Variants in WWC1 observed in about 807,000 individuals in gnomAD.
WWC1 encodes the protein protein KIBRA.
In WWC1, 55 loss-of-function variants were observed where a neutral mutation model predicts 138.4. The ratio of observed to expected loss-of-function variants is 0.40; its 90% CI spans 0.32 to 0.50. The LOEUF is 0.50. Among genes scored for constraint, WWC1 ranks in the 20% least tolerant of loss-of-function variants. WWC1 has a pLI of 0.72. For missense variants in WWC1, 1,226 were observed against 1,420.4 expected (o/e 0.86, Z 2.20); for synonymous variants, 524 against 564.9 (o/e 0.93, Z 1.03).
chr5:168,359,951 G>C (rs1775760383), intron 1 of WWC1, among the ~76,000 whole-genome samples: 1 of 152,214 alleles, frequency 6.6e-6, no homozygotes, highest in Non-Finnish European at 1.5e-5. Flanking sequence ...GCCAGCTTAA[G>C]AGTCCTGCTT....
intron 1 of WWC1, among the ~76,000 whole-genome samples, chr5:168,329,350 G>C (rs987936472): frequency 6.6e-6 from 1 of 152,154 alleles, no homozygotes; most frequent in Non-Finnish European, 1.5e-5. Context: ...CTTTTCCAAC[G>C]TGAGCTTATT....
chr5:168,452,335 A>G (rs573401358), intron 17 of WWC1, among the ~76,000 whole-genome samples: 1 of 152,284 alleles, frequency 6.6e-6, no homozygotes, highest in Middle Eastern at 3.4e-3. Context: ...TCAGAATGTG[A>G]CTGTATTTGG....
intron 19 of WWC1, among the ~76,000 whole-genome samples, chr5:168,456,483 A>T (rs1756335324): frequency 6.6e-6 from 1 of 151,858 alleles, no homozygotes; most frequent in Non-Finnish European, 1.5e-5. Context: ...AAATGCAAAA[A>T]ATTAGTGCAT....
At chr5:168,422,223 T>C (rs1781145815) in intron 10 of WWC1, 126 bp downstream of exon 10, 7 of 904,836 alleles carry the variant, frequency 7.7e-6, no homozygotes, top group Non-Finnish European at 1.2e-5. Context: ...TTTAGAAGCA[T>C]AGCAAATGGA....
intron 1 of WWC1, among the ~76,000 whole-genome samples, chr5:168,328,770 C>G (rs568582696): frequency 6.6e-6 from 1 of 152,190 alleles, no homozygotes; most frequent in African/African-American, 2.4e-5. Context: ...CTCCTGACCT[C>G]GTGATCTGCC....
chr5:168,359,033 GGTGTGTGTGTGTGTGTGTGT>G (rs58992917), intron 1 of WWC1, among the ~76,000 whole-genome samples: 2 of 148,204 alleles, frequency 1.3e-5, no homozygotes, highest in Non-Finnish European at 3.0e-5. Context: ...GTGGTGGTGG[GGTGTGTGTGTGTGTGTGTGT>G]GTGTGTGTGT....
chr5:168,455,442 G>C lies in WWC1; in HGVS notation c.2745G>C (p.Gln915His). The C allele has an allele frequency of 6.2e-7, 1 of 1,612,480 alleles. No homozygotes were observed. Residue 915 changes from glutamine (Q) to histidine (H), a missense_variant, in exon 19 of 23, where the codon CAG becomes CAC. Physicochemically the swap from Gln to His is conservative, Grantham distance 24. Coordinates refer to ENST00000265293, the MANE Select transcript of WWC1 (RefSeq NM_015238.3). ...ACCGGAGAGTGGGCACCCCGTCCCA[G>C]GGGCCATTTCTTCGAGGGAGCACCA... ...PKDRRVGTPS[Q>H]GPFLRGSTII... is the part of the protein sequence containing the mutation.
chr5:168,411,883 G>A lies in WWC1; in HGVS notation c.941+1888G>A, dbSNP rs1284905632. On this transcript the variant is annotated intron_variant, in intron 8 of 22. Coordinates refer to ENST00000265293, the MANE Select transcript of WWC1 (RefSeq NM_015238.3). Reference sequence around the variant, plus strand: ...GGAAAAGTCAGCTGTATGGGAACCAGGTGACTTGAAAGTACGAAAGGAGTG... The same window carrying A: ...GGAAAAGTCAGCTGTATGGGAACCAAGTGACTTGAAAGTACGAAAGGAGTG... 12 of 734,578 alleles carry A rather than the reference G, an allele frequency of 1.6e-5. No individual in the cohort carries two copies. In the African/African-American group the frequency reaches 2.3e-4, roughly 14 times the overall value. The allele number at this position is 734,578 out of a possible 1,614,324, so 45.5% of individuals were successfully genotyped here. A position where few individuals can be genotyped will look rare whatever the true frequency, so the allele number is the denominator to read the frequency against.
intron 1 of WWC1, among the ~76,000 whole-genome samples, chr5:168,354,997 A>G (rs938562695): frequency 6.6e-6 from 1 of 152,154 alleles, no homozygotes; most frequent in Non-Finnish European, 1.5e-5. Context: ...GCCTTCTGCT[A>G]TGTTCATTCA....
intron 10 of WWC1, 97 bp downstream of exon 10, chr5:168,422,194 C>G (rs560888576): frequency 8.0e-7 from 1 of 1,252,370 alleles, no homozygotes; most frequent in African/African-American, 1.5e-5. Context: ...ACTTGTCCTC[C>G]GTGGCTTGAG....
chr5:168,405,956 G>C (rs937090240), intron 5 of WWC1, among the ~76,000 whole-genome samples: 1 of 151,986 alleles, frequency 6.6e-6, no homozygotes, highest in Non-Finnish European at 1.5e-5. Flanking sequence ...TGAACTCCTG[G>C]CCTCAAGTGA....
chr5:168,395,516 C>T (rs111479499), intron 3 of WWC1, among the ~76,000 whole-genome samples: 2 of 152,268 alleles, frequency 1.3e-5, no homozygotes, highest in Non-Finnish European at 2.9e-5. Flanking sequence ...TTTATTATAA[C>T]ATTATAATAT....
chr5:168,352,463 C>T (rs1361688263), intron 1 of WWC1, among the ~76,000 whole-genome samples: 1 of 152,052 alleles, frequency 6.6e-6, no homozygotes, highest in Admixed American at 6.6e-5. Flanking sequence ...AGCTTAGAAC[C>T]CTGAACCTAT....
At chr5:168,452,693 G>A (rs1561787315) in intron 17 of WWC1, among the ~76,000 whole-genome samples, 1 of 152,180 alleles carries the variant, frequency 6.6e-6, no homozygotes, top group African/African-American at 2.4e-5. Flanking sequence ...TGTACAAGAA[G>A]CTTTATTCAT....
At chr5:168,451,248 C>CT (rs1158475617) in intron 17 of WWC1, among the ~76,000 whole-genome samples, 4 of 151,742 alleles carry the variant, frequency 2.6e-5, no homozygotes, top group Non-Finnish European at 4.4e-5. Flanking sequence ...TCTCGAACTC[C>CT]TGACCTCAGG....
chr5:168,387,797 A>G (rs1016421182), intron 3 of WWC1, among the ~76,000 whole-genome samples: 1 of 152,112 alleles, frequency 6.6e-6, no homozygotes, highest in African/African-American at 2.4e-5. Flanking sequence ...TCAATGTATT[A>G]TATTTATTTG....
intron 15 of WWC1, among the ~76,000 whole-genome samples, chr5:168,436,946 A>G (rs58441583): frequency 6.6e-6 from 1 of 152,188 alleles, no homozygotes; most frequent in Non-Finnish European, 1.5e-5. Flanking sequence ...TTATGATGGC[A>G]TATGTCTCCA....
chr5:168,339,985 T>C (rs61558660), intron 1 of WWC1, among the ~76,000 whole-genome samples: 2,467 of 96,050 alleles, frequency 0.026, 40 homozygotes, highest in South Asian at 0.076. Context: ...CTTTCTCTCT[T>C]TCTCTCTCTC....
In WWC1 at chr5:168,414,421, G is replaced by A. The variant is rs1484532701; in HGVS notation, c.1015G>A (p.Asp339Asn). Residue 339 changes from aspartate (D) to asparagine (N), a missense_variant, in exon 9 of 23, where the codon GAC (aspartate) becomes AAC (asparagine). Physicochemically the swap from Asp to Asn is conservative, Grantham distance 23. Coordinates refer to ENST00000265293, the MANE Select transcript of WWC1 (RefSeq NM_015238.3). ...AWPGVLDSERDRLILINEKEE... is the reference protein window; with the variant it reads ...AWPGVLDSERNRLILINEKEE... ...GCCTGGGGTGCTGGACTCAGAGAGGGACCGGCTGATCCTTATCAACGAGAA... is the reference window on the plus strand; with the variant it reads ...GCCTGGGGTGCTGGACTCAGAGAGGAACCGGCTGATCCTTATCAACGAGAA... 1.3e-6 allele frequency: 2 copies of A among 1,599,714 alleles called. No homozygotes were observed. Among genetic ancestry groups the A allele is most frequent in the Non-Finnish European group, 8.5e-7 (1 of 1,172,724 alleles).
Sources: allele counts gnomAD v4.1 joint callset (sites outside exome capture counted in the v4.1 genomes callset), GRCh38; gene constraint gnomAD v4.1.1; transcripts MANE v1.5; gene names NCBI Gene and HGNC (gene_info 2026-07-23, HGNC 2026-07-21).